Variants in DDX31 observed in about 807,000 individuals in gnomAD.
The protein encoded by DDX31 is DEAD-box helicase 31, also known as ATP-dependent DNA helicase DDX31.
Under a neutral mutation model 91.3 loss-of-function variants are expected in DDX31, and 70 were observed. The observed-to-expected ratio is 0.77, with a 90% CI of 0.63 to 0.94. The LOEUF (loss-of-function observed/expected upper bound fraction) is 0.94, where lower values mean the gene tolerates loss of function less well. DDX31 is among the 40% of genes least tolerant of loss of function. The pLI, the probability that DDX31 is intolerant of heterozygous loss-of-function variation, is 0.00. For synonymous variants in DDX31, 362 were observed against 350.6 expected (o/e 1.03, Z -0.36); for missense variants, 902 against 925.0 (o/e 0.98, Z 0.32).
In DDX31 at chr9:132,648,468, C is replaced by T. The variant is rs564703008; in HGVS notation, c.824G>A (p.Ser275Asn). ...ATCAAACACCAACCACCGCAGCCGA[C>T]TAAAATGAATGTTCTTTGTGGATTT... ...HIKSTKNIHF[S>N]RLRWLVFDEA... The change falls in exon 10 of 20, where the codon AGT (serine) becomes AAT (asparagine). Residue 275 changes from serine to asparagine, a missense_variant. By Grantham distance (46) the Ser-to-Asn change is conservative (BLOSUM62 1). Coordinates refer to ENST00000372159, the MANE Select transcript of DDX31 (RefSeq NM_022779.9). 6.2e-7 allele frequency: 1 copy of T among 1,613,986 alleles called. No homozygotes were observed. The highest frequency in any genetic ancestry group is 8.5e-7 in the Non-Finnish European group (1 of 1,180,030).
chr9:132,661,943 G>A (rs1295604631), intron 3 of DDX31, among the ~76,000 whole-genome samples: 1 of 152,098 alleles, frequency 6.6e-6, no homozygotes, highest in Non-Finnish European at 1.5e-5. Context: ...ATAGGGAGCT[G>A]TTTTAAGTTT....
Position 132,669,963 on chromosome 9 carries a change from A to G in DDX31, c.-29T>C. The G allele has an allele frequency of 1.3e-6, 2 of 1,580,520 alleles. No individual in the cohort carries two copies. Among genetic ancestry groups the G allele is most frequent in the Non-Finnish European group, 1.7e-6 (2 of 1,164,282 alleles). On this transcript the variant is annotated 5_prime_UTR_variant, in exon 1 of 20. Transcript: ENST00000372159. The stretch of plus-strand genomic sequence containing the variant: ...CTGCGTGGGTGACGCGTGGTGCAGC[A>G]GCGAGCCCGGTGCGCAGACTGCTGG...
chr9:132,615,476 T>A (rs1831576450), intron 18 of DDX31, among the ~76,000 whole-genome samples: 1 of 152,190 alleles, frequency 6.6e-6, no homozygotes, highest in South Asian at 2.1e-4. Flanking sequence ...CCTGCTGTTC[T>A]CTTCAAGACA....
intron 16 of DDX31, 151 bp from the exon 17 acceptor site, chr9:132,625,896 G>A (rs944286398): frequency 8.3e-6 from 5 of 600,714 alleles, no homozygotes; most frequent in Admixed American, 6.6e-5. Flanking sequence ...TAAACCCTTA[G>A]GAATTGAGAA....
chr9:132,669,256 G>GA (rs1835542122), intron 1 of DDX31, among the ~76,000 whole-genome samples: 1 of 115,408 alleles, frequency 8.7e-6, no homozygotes, highest in Non-Finnish European at 1.9e-5. Context: ...CACCCCGCCC[G>GA]CCCCCCCCAA....
intron 16 of DDX31, among the ~76,000 whole-genome samples, chr9:132,627,247 T>C (rs1456305039): frequency 6.6e-6 from 1 of 152,204 alleles, no homozygotes; most frequent in Non-Finnish European, 1.5e-5. Flanking sequence ...AAGGCAGTGT[T>C]CTCAAATGCG....
At position 132,651,059 on chromosome 9, in the gene DDX31, T is replaced by C. The variant is rs769588490; in HGVS notation, c.675+16A>G. ...GTCAGCAAGCAAGATGAAATGGAAC[T>C]CATGGTTTGCCTTACCTTAAGCAGT... On this transcript the variant is annotated intron_variant, in intron 8 of 19. Coordinates refer to ENST00000372159, the MANE Select transcript of DDX31 (RefSeq NM_022779.9). The C allele has an allele frequency of 6.2e-7, 1 of 1,607,140 alleles. No homozygotes were observed. The highest frequency in any genetic ancestry group is 1.7e-5 in the Admixed American group (1 of 58,906).
chr9:132,630,977 TAC>T (rs929462592), intron 15 of DDX31, among the ~76,000 whole-genome samples: 3 of 152,344 alleles, frequency 2.0e-5, no homozygotes, highest in African/African-American at 7.2e-5. Context: ...ACGGCCATTC[TAC>T]AGAATGCGGG....
chr9:132,634,941 T>G (rs1169654129), intron 14 of DDX31, among the ~76,000 whole-genome samples: 1 of 152,190 alleles, frequency 6.6e-6, no homozygotes, highest in Non-Finnish European at 1.5e-5. Flanking sequence ...GTTGTGTCTC[T>G]GTAGACTTCC....
intron 14 of DDX31, among the ~76,000 whole-genome samples, chr9:132,634,923 C>CA (rs1362591961): frequency 6.6e-6 from 1 of 152,148 alleles, no homozygotes; most frequent in Non-Finnish European, 1.5e-5. Flanking sequence ...TGGTAGGTCA[C>CA]GCACTCCGTT....
Position 132,594,845 on chromosome 9 carries a change from A to G in DDX31, c.*21T>C, listed in dbSNP as rs1830352272. On this transcript the variant is annotated 3_prime_UTR_variant, in exon 20 of 20. Transcript: ENST00000372159. ...CTGCCACCCGGGGCTTCCAGGTTCCACTCGAAGACCCAGAGAGATTTTAAA... is the reference window on the plus strand; with the variant it reads ...CTGCCACCCGGGGCTTCCAGGTTCCGCTCGAAGACCCAGAGAGATTTTAAA... 1 of 1,607,138 alleles carries G rather than the reference A, an allele frequency of 6.2e-7. No individual in the cohort carries two copies. The highest frequency in any genetic ancestry group is 8.5e-7 in the Non-Finnish European group (1 of 1,175,788).
chr9:132,652,498 G>T lies in DDX31; in HGVS notation c.589-6C>A. ...GCATAGGGGCCATCACTGCGCTGTT[G>T]ACACACAGAAAAAAAATGCCATGAG... On this transcript the variant is annotated splice_polypyrimidine_tract_variant and splice_region_variant and intron_variant, in intron 6 of 19. Transcript: ENST00000372159. The T allele has an allele frequency of 8.7e-6, 14 of 1,613,980 alleles. No individual in the cohort carries two copies. The highest frequency in any genetic ancestry group is 1.2e-5 in the Non-Finnish European group (14 of 1,179,972).
Position 132,618,024 on chromosome 9 carries a change from C to G in DDX31, c.1825+306G>C, listed in dbSNP as rs139558397. Among the ~76,000 whole-genome samples the G allele has an allele frequency of 3.3e-5, 5 of 152,326 alleles. No individual in the cohort carries two copies. In the East Asian group the frequency reaches 9.6e-4, roughly 29 times the overall value. On this transcript the variant is annotated intron_variant, in intron 18 of 19. Coordinates refer to ENST00000372159, the MANE Select transcript of DDX31 (RefSeq NM_022779.9). ...TGTCACATGTCTTCTATCTGGTTTT[C>G]AAAGAAAGAGGAAAACAGATCCTTA...
chr9:132,661,031 T>C (rs1834901621), intron 4 of DDX31, 177 bp downstream of exon 4: 1 of 628,194 alleles, frequency 1.6e-6, no homozygotes, highest in African/African-American at 1.9e-5. Context: ...AGCCAGTCTT[T>C]CCATTTAACA....
chr9:132,615,970 T>C (rs1831601582), intron 18 of DDX31, among the ~76,000 whole-genome samples: 2 of 152,230 alleles, frequency 1.3e-5, no homozygotes, highest in South Asian at 2.1e-4. Flanking sequence ...GGTTCTGAAA[T>C]GGCATAAAAG....
At chr9:132,609,690 C>T (rs574826731) in intron 19 of DDX31, among the ~76,000 whole-genome samples, 20 of 152,146 alleles carry the variant, frequency 1.3e-4, no homozygotes, top group Admixed American at 6.5e-4. Context: ...GGCGCGATCT[C>T]GGCTCACCGC....
intron 16 of DDX31, among the ~76,000 whole-genome samples, chr9:132,629,325 T>G (rs536502164): frequency 1.3e-5 from 2 of 152,322 alleles, no homozygotes; most frequent in African/African-American, 4.8e-5. Context: ...GTTTCCTGCC[T>G]CCCCCAACAC....
rs561666671 is a variant in DDX31, at chr9:132,611,500, A to C, written c.1994+587T>G. Among the ~76,000 whole-genome samples the C allele has an allele frequency of 4.6e-5, 7 of 152,314 alleles. No individual in the cohort carries two copies. In the South Asian group the frequency reaches 1.4e-3, roughly 32 times the overall value. ...AAACAGACTCAGAGCCCAGCCTCGA[A>C]CAGGGCAATACCCCTCCCTCTCCTT... On this transcript the variant is annotated intron_variant, in intron 19 of 19. Coordinates refer to ENST00000372159, the MANE Select transcript of DDX31 (RefSeq NM_022779.9).
chr9:132,612,293 C>T (rs1199530617), intron 18 of DDX31, 38 bp from the exon 19 acceptor site: 1 of 1,612,608 alleles, frequency 6.2e-7, no homozygotes, highest in African/African-American at 1.3e-5. Context: ...GCTGTCAGGA[C>T]CGGGGTCTCC....
Sources: allele counts gnomAD v4.1 joint callset (sites outside exome capture counted in the v4.1 genomes callset), GRCh38; gene constraint gnomAD v4.1.1; transcripts MANE v1.5; gene names NCBI Gene and HGNC (gene_info 2026-07-23, HGNC 2026-07-21).